ADAM18: variants seen among roughly 807,000 people sequenced by gnomAD.
ADAM18 encodes ADAM metallopeptidase domain 18.
ADAM18 carries 117 observed loss-of-function variants against 94.4 expected under a neutral mutation model. The ratio of observed to expected loss-of-function variants is 1.24; its 90% CI spans 1.07 to 1.45. ADAM18 has a LOEUF of 1.45. Ranked by LOEUF, ADAM18 falls within the 40% of genes most tolerant of loss-of-function variation. The probability of loss-of-function intolerance (pLI) is 0.00; values close to 1 mark genes in which losing one functional copy is unlikely to be tolerated. For synonymous variants in ADAM18, 327 were observed against 291.6 expected, an observed-to-expected ratio of 1.12 and a Z score of -1.24; for missense variants, 936 against 880.0, an observed-to-expected ratio of 1.06 and a Z score of -0.81.
chr8:39,691,516 GTGGCAATAAACTCCCA>G, intron 16 of ADAM18, among the ~76,000 whole-genome samples: 1 of 152,102 alleles, frequency 6.6e-6, no homozygotes, highest in Admixed American at 6.5e-5. Context: ...AGAGATAGTT[GTGGCAATAAACTCCCA>G]TGTTTATTGC....
chr8:39,689,311 G>T (rs2129580794), intron 16 of ADAM18, among the ~76,000 whole-genome samples: 1 of 152,150 alleles, frequency 6.6e-6, no homozygotes, highest in East Asian at 1.9e-4. Context: ...TATTGCCAGG[G>T]TTTTTATAGT....
At chr8:39,647,376 A>G (rs1231764169) in intron 11 of ADAM18, among the ~76,000 whole-genome samples, 1 of 152,216 alleles carries the variant, frequency 6.6e-6, no homozygotes, top group East Asian at 1.9e-4. Flanking sequence ...ATAACAAGGC[A>G]GCATAGCTGC....
At chr8:39,666,856 C>G (rs572700844) in intron 13 of ADAM18, among the ~76,000 whole-genome samples, 1 of 151,960 alleles carries the variant, frequency 6.6e-6, no homozygotes, top group Non-Finnish European at 1.5e-5. Context: ...ACAGCCAAAC[C>G]GTATGAAGTA....
chr8:39,620,357 C>CAAAAAAAAAA (rs61555393), intron 6 of ADAM18, among the ~76,000 whole-genome samples: 206 of 90,436 alleles, frequency 2.3e-3, no homozygotes, highest in African/African-American at 4.0e-3. Context: ...GCAACAAAAG[C>CAAAAAAAAAA]AAAAAAAAAA....
At chr8:39,704,594 T>C (rs1200449886) in intron 17 of ADAM18, among the ~76,000 whole-genome samples, 1 of 152,172 alleles carries the variant, frequency 6.6e-6, no homozygotes, top group Non-Finnish European at 1.5e-5. Flanking sequence ...TGTGACTTTG[T>C]TTTGGCTGGG....
Position 39,610,596 on chromosome 8 carries a change from C to T in ADAM18, c.412C>T (p.His138Tyr). The T allele has an allele frequency of 6.2e-7, 1 of 1,612,322 alleles. No individual in the cohort carries two copies. The highest frequency in any genetic ancestry group is 8.5e-7 in the Non-Finnish European group (1 of 1,178,898). The part of the protein sequence containing the change: ...EPVESSARFE[H>Y]IIYQMKNNDP... ...AGTAGAATCTTCAGCAAGATTTGAGCATATAATTTATCAAATGAAAAATAA... is the reference window on the plus strand; with the variant it reads ...AGTAGAATCTTCAGCAAGATTTGAGTATATAATTTATCAAATGAAAAATAA... The change falls in exon 6 of 20, where the codon CAT becomes TAT. Residue 138 changes from histidine to tyrosine, a missense_variant. Coordinates refer to ENST00000265707, the MANE Select transcript of ADAM18 (RefSeq NM_014237.3).
chr8:39,637,016 A>T (rs1279645631), intron 7 of ADAM18, among the ~76,000 whole-genome samples: 1 of 99,628 alleles, frequency 1.0e-5, no homozygotes, highest in East Asian at 3.1e-4. Flanking sequence ...GCATGTGTGT[A>T]TTTTATATAT....
At chr8:39,611,618 A>G in intron 6 of ADAM18, 2 of 981,518 alleles carry the variant, frequency 2.0e-6, no homozygotes, top group Non-Finnish European at 2.4e-6. Flanking sequence ...TGGAAACAGC[A>G]TTGCTTCCAC....
chr8:39,592,923 GT>G, intron 2 of ADAM18, among the ~76,000 whole-genome samples: 1 of 152,100 alleles, frequency 6.6e-6, no homozygotes. Flanking sequence ...GTAGAAGGCT[GT>G]TTTATCTACA....
chr8:39,673,589 T>G (rs1200183787), intron 14 of ADAM18, among the ~76,000 whole-genome samples: 1 of 152,114 alleles, frequency 6.6e-6, no homozygotes, highest in Non-Finnish European at 1.5e-5. Flanking sequence ...GTCCTTGTGA[T>G]AGTTGGCTGA....
chr8:39,704,352 T>C (rs1822175786), intron 17 of ADAM18, among the ~76,000 whole-genome samples: 1 of 152,004 alleles, frequency 6.6e-6, no homozygotes, highest in Admixed American at 6.6e-5. Context: ...CAAAAAAGAT[T>C]ATCCACCACA....
intron 2 of ADAM18, among the ~76,000 whole-genome samples, chr8:39,594,793 G>GTTTTTTTTTTTTTTTTTTTTTTTTTTTAT (rs71237182): frequency 2.1e-5 from 1 of 46,848 alleles, no homozygotes. Flanking sequence ...TTTGCTGTGA[G>GTTTTTTTTTTTTTTTTTTTTTTTTTTTAT]TTTTTTTTTT....
At chr8:39,662,071 AT>A (rs1470415701) in intron 12 of ADAM18, among the ~76,000 whole-genome samples, 1 of 152,026 alleles carries the variant, frequency 6.6e-6, no homozygotes, top group Non-Finnish European at 1.5e-5. Flanking sequence ...CATAAATAAA[AT>A]TGCACAAATG....
At chr8:39,685,503 T>A (rs1312793429) in intron 16 of ADAM18, 1 of 152,096 alleles carries the variant, frequency 6.6e-6, no homozygotes, top group African/African-American at 2.4e-5. Context: ...GTAATGGGAG[T>A]GGCAGCACTG....
chr8:39,617,667 C>T (rs901605001), intron 6 of ADAM18, among the ~76,000 whole-genome samples: 1 of 152,118 alleles, frequency 6.6e-6, no homozygotes, highest in African/African-American at 2.4e-5. Flanking sequence ...ATAAAGAATA[C>T]TGAAATTATG....
intron 12 of ADAM18, among the ~76,000 whole-genome samples, chr8:39,653,922 G>A (rs1820611756): frequency 6.6e-6 from 1 of 151,968 alleles, no homozygotes; most frequent in Non-Finnish European, 1.5e-5. Context: ...TAGAACTTAT[G>A]TTTTCTATTT....
At chr8:39,609,293 C>G (rs1178892441) in intron 4 of ADAM18, among the ~76,000 whole-genome samples, 173 bp downstream of exon 4, 7 of 152,248 alleles carry the variant, frequency 4.6e-5, no homozygotes, top group African/African-American at 1.7e-4. Flanking sequence ...CGAATACTCA[C>G]AGGGACTCTC....
chr8:39,684,765 A>G (rs950907059), intron 16 of ADAM18, among the ~76,000 whole-genome samples: 4 of 152,162 alleles, frequency 2.6e-5, no homozygotes, highest in Admixed American at 6.5e-5. Flanking sequence ...GTTTGCTGAA[A>G]AGGTAAAAGT....
intron 6 of ADAM18, among the ~76,000 whole-genome samples, chr8:39,615,053 C>T (rs1819398026): frequency 6.6e-6 from 1 of 151,988 alleles, no homozygotes; most frequent in Non-Finnish European, 1.5e-5. Context: ...AATATTAAGG[C>T]AGAAAACTAA....
Sources: gnomAD v4.1 joint callset for allele counts (sites outside exome capture counted in the v4.1 genomes callset) on GRCh38, gnomAD v4.1.1 for gene constraint, MANE v1.5 for transcripts, NCBI Gene and HGNC (gene_info 2026-07-23, HGNC 2026-07-21) for gene names.